The following PLCB1 variants were observed in gnomAD, a reference collection of about 807,000 sequenced individuals.
PLCB1 encodes 1-phosphatidylinositol 4,5-bisphosphate phosphodiesterase beta-1.
PLCB1 carries 46 observed loss-of-function variants against 161.8 expected under a neutral mutation model. That is an observed-to-expected ratio of 0.28 (90% CI 0.22 to 0.36). The LOEUF (loss-of-function observed/expected upper bound fraction) is 0.36. Ranked by LOEUF, PLCB1 falls within the 10% of genes least tolerant of loss-of-function variation. The pLI is 1.00. For missense variants in PLCB1, 1,016 were observed against 1,472.5 expected (o/e 0.69, Z 5.07); for synonymous variants, 517 against 503.7 (o/e 1.03, Z -0.35).
At chr20:8,269,909 C>G (rs1443164886) in intron 2 of PLCB1, among the ~76,000 whole-genome samples, 1 of 150,584 alleles carries the variant, frequency 6.6e-6, no homozygotes, top group Admixed American at 6.6e-5. Flanking sequence ...AAAAAAAAAG[C>G]CTGGCTAACC....
chr20:8,542,389 A>C (rs1297418398), intron 3 of PLCB1, among the ~76,000 whole-genome samples: 2 of 152,188 alleles, frequency 1.3e-5, no homozygotes, highest in African/African-American at 4.8e-5. Flanking sequence ...TTAAACAATA[A>C]GTTTGTTGCC....
At chr20:8,879,593 G>T (rs1335844773) in intron 31 of PLCB1, among the ~76,000 whole-genome samples, 1 of 149,108 alleles carries the variant, frequency 6.7e-6, no homozygotes, top group Non-Finnish European at 1.5e-5. Context: ...CCACAAATTT[G>T]CCAGAAAAAG....
At chr20:8,662,307 A>G (rs1160190621) in intron 9 of PLCB1, among the ~76,000 whole-genome samples, 1 of 118,334 alleles carries the variant, frequency 8.5e-6, no homozygotes, top group Non-Finnish European at 1.6e-5. Context: ...TTTATTATAT[A>G]ATTATGTATA....
intron 24 of PLCB1, among the ~76,000 whole-genome samples, chr20:8,759,626 A>T (rs1438425993): frequency 6.6e-6 from 1 of 151,922 alleles, no homozygotes; most frequent in Non-Finnish European, 1.5e-5. Context: ...TCAGCCTCCC[A>T]AGTAGCTGGG....
chr20:8,313,694 T>G (rs138492945), intron 2 of PLCB1, among the ~76,000 whole-genome samples: 1 of 152,286 alleles, frequency 6.6e-6, no homozygotes, highest in Admixed American at 6.5e-5. Flanking sequence ...CTTCACATTT[T>G]CTCTCTGTTT....
intron 3 of PLCB1, among the ~76,000 whole-genome samples, chr20:8,420,741 T>C (rs1979504617): frequency 6.6e-6 from 1 of 152,204 alleles, no homozygotes. Flanking sequence ...TTTTGAAAGC[T>C]TCAGCCCTGC....
chr20:8,541,605 A>AAAGAAAGAAAGAAAGG lies in PLCB1; in HGVS notation c.247-86686_247-86685insAAAGAAAGAAAGGAAG, dbSNP rs796318352. Among the ~76,000 whole-genome samples the AAAGAAAGAAAGAAAGG allele has an allele frequency of 3.6e-3, 540 of 149,868 alleles. 1 individual carries two copies. The highest frequency in any genetic ancestry group is 0.011 in the African/African-American group (435 of 40,560). On this transcript the variant is annotated intron_variant, in intron 3 of 31. Transcript: ENST00000338037. ...GAAAGAAAGAAAGAAAGAAAGAAAG[A>AAAGAAAGAAAGAAAGG]AAGGAAGGAAGATAGTAATGAAATG...
At chr20:8,523,398 A>ATG (rs34787623) in intron 3 of PLCB1, among the ~76,000 whole-genome samples, 8,100 of 122,524 alleles carry the variant, frequency 0.066, 371 homozygotes, top group Non-Finnish European at 0.09. Flanking sequence ...CATAACAAAT[A>ATG]TGTGTGTGTG....
At chr20:8,360,041 G>C (rs1480651052) in intron 2 of PLCB1, among the ~76,000 whole-genome samples, 11 of 152,320 alleles carry the variant, frequency 7.2e-5, no homozygotes, top group South Asian at 2.1e-4. Flanking sequence ...TAAGAGAGTG[G>C]AGGAAGCAAG....
intron 2 of PLCB1, among the ~76,000 whole-genome samples, chr20:8,177,318 A>G (rs73080249): frequency 0.068 from 10,329 of 152,238 alleles, 445 homozygotes; most frequent in Middle Eastern, 0.16. Context: ...CAATCACCAG[A>G]CGCTGAATCT....
intron 2 of PLCB1, among the ~76,000 whole-genome samples, chr20:8,213,273 C>T (rs1413134591): frequency 1.3e-5 from 2 of 152,168 alleles, no homozygotes; most frequent in African/African-American, 4.8e-5. Context: ...AATGCCTGTG[C>T]TTTTCCAAAA....
intron 3 of PLCB1, among the ~76,000 whole-genome samples, chr20:8,432,287 TC>T (rs1214350182): frequency 6.6e-6 from 1 of 151,994 alleles, no homozygotes; most frequent in African/African-American, 2.4e-5. Context: ...GGGCCAGGCT[TC>T]CCCCGCTGCA....
intron 3 of PLCB1, among the ~76,000 whole-genome samples, chr20:8,378,841 G>A (rs1450997300): frequency 1.3e-5 from 2 of 152,062 alleles, no homozygotes; most frequent in South Asian, 2.1e-4. Flanking sequence ...TTTTGTTGTC[G>A]TTTCAACACT....
At chr20:8,316,847 T>C (rs1451716638) in intron 2 of PLCB1, among the ~76,000 whole-genome samples, 6 of 152,102 alleles carry the variant, frequency 3.9e-5, no homozygotes, top group South Asian at 4.1e-4. Context: ...TTGGGGATCA[T>C]AGGACTCTTG....
At chr20:8,704,592 C>T (rs1425332830) in intron 11 of PLCB1, among the ~76,000 whole-genome samples, 2 of 152,202 alleles carry the variant, frequency 1.3e-5, no homozygotes, top group Non-Finnish European at 2.9e-5. Flanking sequence ...GTCCAAGGGT[C>T]AACAAACTAT....
chr20:8,247,980 T>G (rs1313847473), intron 2 of PLCB1, among the ~76,000 whole-genome samples: 1 of 151,950 alleles, frequency 6.6e-6, no homozygotes, highest in Non-Finnish European at 1.5e-5. Flanking sequence ...CCTCTCTTTC[T>G]TGGGGCTGAC....
intron 2 of PLCB1, among the ~76,000 whole-genome samples, chr20:8,162,024 C>T (rs1315095152): frequency 6.6e-6 from 1 of 152,172 alleles, no homozygotes; most frequent in Admixed American, 6.5e-5. Flanking sequence ...ATTCCTTACA[C>T]TGTGCTTAGT....
At chr20:8,195,704 T>G (rs2052016118) in intron 2 of PLCB1, among the ~76,000 whole-genome samples, 1 of 152,110 alleles carries the variant, frequency 6.6e-6, no homozygotes, top group African/African-American at 2.4e-5. Context: ...TTATTTAGTC[T>G]TCTGAAATCT....
At chr20:8,628,606 T>G (rs1265251418) in intron 4 of PLCB1, 175 bp downstream of exon 4, 1 of 630,422 alleles carries the variant, frequency 1.6e-6, no homozygotes, top group Non-Finnish European at 2.7e-6. Context: ...AATAATGGCA[T>G]CAACTTAAGA....
Sources: allele counts gnomAD v4.1 joint callset (sites outside exome capture counted in the v4.1 genomes callset), GRCh38; gene constraint gnomAD v4.1.1; transcripts MANE v1.5; gene names NCBI Gene and HGNC (gene_info 2026-07-23, HGNC 2026-07-21).